Variants in APOL3 observed in about 807,000 individuals in gnomAD.
APOL3 encodes the protein TNF-inducible protein CG12-1.
In APOL3, 14 loss-of-function variants were observed where a neutral mutation model predicts 11.6. The observed-to-expected ratio is 1.21, with a 90% confidence interval of 0.80 to 1.89. The LOEUF is 1.89. Among genes scored for constraint, APOL3 ranks in the 40% most tolerant of loss-of-function variants. APOL3 has a pLI of 0.00. For synonymous variants in APOL3, 192 were observed against 190.6 expected, an observed-to-expected ratio of 1.01 and a Z score of -0.06; for missense variants, 483 against 492.1, an observed-to-expected ratio of 0.98 and a Z score of 0.17.
At chr22:36,145,013 AAAAAAAAAAAAAG>A (rs1274652406) in intron 2 of APOL3, among the ~76,000 whole-genome samples, 15 of 129,286 alleles carry the variant, frequency 1.2e-4, no homozygotes, top group African/African-American at 4.7e-4. Flanking sequence ...CTGTCTCAAA[AAAAAAAAAAAAAG>A]AAAAAAAAAG....
chr22:36,145,300 C>G (rs2060151563), intron 2 of APOL3, among the ~76,000 whole-genome samples, 173 bp downstream of exon 3: 2 of 152,222 alleles, frequency 1.3e-5, no homozygotes, highest in African/African-American at 2.4e-5. Context: ...AGGTCACTCA[C>G]TGCCAGCGAA....
At position 36,158,811 on chromosome 22, in the gene APOL3, C is replaced by T. The variant is rs5750231; in HGVS notation, c.223+1858G>A. Among the ~76,000 whole-genome samples the T allele has an allele frequency of 1.7e-4, 26 of 151,746 alleles. No individual in the cohort carries two copies. The East Asian group carries it at 4.1e-3, about 24-fold the overall frequency. On this transcript the variant is annotated intron_variant, in intron 1 of 2. Transcript: ENST00000349314. ...CAGCCTGGGCGACAGAGCAAGACTC[C>T]GTCAGAAAAAAAAGACTAATGAATG...
At chr22:36,145,009 C>CAAAAAAAA (rs1312228074) in intron 2 of APOL3, among the ~76,000 whole-genome samples, 14 of 37,948 alleles carry the variant, frequency 3.7e-4, no homozygotes, top group Non-Finnish European at 7.8e-4. Context: ...GACTCTGTCT[C>CAAAAAAAA]AAAAAAAAAA....
intron 1 of APOL3, among the ~76,000 whole-genome samples, chr22:36,150,745 C>T (rs892338533): frequency 3.3e-5 from 5 of 152,124 alleles, no homozygotes; most frequent in East Asian, 1.9e-4. Flanking sequence ...ATTAGCTGGG[C>T]GTGGTGGCGT....
exon 3 of APOL3, chr22:36,141,100 T>C: frequency 6.6e-7 from 1 of 1,514,816 alleles, no homozygotes; most frequent in Non-Finnish European, 8.8e-7. Context: ...CTCAGCTCCA[T>C]AAACTTTACC....
At chr22:36,145,677 G>T (rs1807672) in intron 1 of APOL3, 78 bp from the exon 3 acceptor site, 840,124 of 1,557,654 alleles carry the variant, frequency 0.54, 232,781 homozygotes, top group African/African-American at 0.64. Context: ...GGTGGTTCGA[G>T]GTTAATCCTC....
chr22:36,143,126 TCC>T (rs2060062758), intron 2 of APOL3, among the ~76,000 whole-genome samples: 1 of 103,076 alleles, frequency 9.7e-6, no homozygotes, highest in Non-Finnish European at 2.5e-5. Flanking sequence ...TCAGTCTCCC[TCC>T]CCTGTAACAC....
At chr22:36,147,692 T>C (rs2060271168) in intron 1 of APOL3, among the ~76,000 whole-genome samples, 1 of 152,174 alleles carries the variant, frequency 6.6e-6, no homozygotes, top group Non-Finnish European at 1.5e-5. Flanking sequence ...TGCTTTTATT[T>C]TTTCCTCCTT....
In APOL3 at chr22:36,145,594, TC is replaced by T; in HGVS notation, c.228del (p.Lys77AsnfsTer24). On this transcript the variant is annotated frameshift_variant, in exon 2 of 3. Transcript: ENST00000349314. LOFTEE classifies it high-confidence loss of function. The stretch of plus-strand genomic sequence containing the variant: ...TTGGTGGCCTCTTCAGTAAAGCGTT[TC>T]TTTTCTACTTGGAAACAAAAAGCAT... The T allele has an allele frequency of 1.9e-6, 3 of 1,613,614 alleles. No homozygotes were observed. Among genetic ancestry groups the T allele is most frequent in the Non-Finnish European group, 2.5e-6 (3 of 1,179,880 alleles).
chr22:36,145,374 G>T, intron 2 of APOL3, 99 bp downstream of exon 3: 8 of 1,443,478 alleles, frequency 5.5e-6, no homozygotes, highest in Non-Finnish European at 6.6e-6. Context: ...AGCAGAGGGG[G>T]CTGCCTGGAG....
intron 1 of APOL3, among the ~76,000 whole-genome samples, chr22:36,156,534 C>T (rs1272339037): frequency 6.6e-6 from 1 of 152,164 alleles, no homozygotes; most frequent in African/African-American, 2.4e-5. Flanking sequence ...GCCCTGCTTC[C>T]CTGCCTCCCA....
chr22:36,142,528 C>T (rs1057134762), intron 2 of APOL3, among the ~76,000 whole-genome samples: 4 of 152,192 alleles, frequency 2.6e-5, no homozygotes, highest in Non-Finnish European at 5.9e-5. Context: ...CTCTGGGGCC[C>T]TGGAATGTCC....
chr22:36,140,955 T>C, exon 3 of APOL3: 1 of 515,666 alleles, frequency 1.9e-6, no homozygotes, highest in Non-Finnish European at 3.4e-6. Context: ...CTTCTTCCTA[T>C]TCCCCACACT....
At position 36,159,049 on chromosome 22, in the gene APOL3, T is replaced by C. The variant is rs368003411; in HGVS notation, c.223+1620A>G. On this transcript the variant is annotated intron_variant, in intron 1 of 2. Transcript: ENST00000349314. ...TTTGCCTTTTATTTGGTTGCCAGCA[T>C]GTCAAATGTAATTGCACCTGAGTTT... Among the ~76,000 whole-genome samples, 68 of 152,238 alleles carry C rather than the reference T, an allele frequency of 4.5e-4. No homozygotes were observed. In the South Asian group the frequency reaches 6.4e-3, roughly 14 times the overall value.
upstream of APOL3, among the ~76,000 whole-genome samples, chr22:36,161,769 TC>T (rs1227865643): frequency 7.1e-6 from 1 of 141,118 alleles, no homozygotes; most frequent in Non-Finnish European, 1.6e-5. Context: ...GAAGAAGGGG[TC>T]AGGGGGTTCC....
chr22:36,160,397 G>A (rs182131457), intron 1 of APOL3, among the ~76,000 whole-genome samples: 1 of 152,154 alleles, frequency 6.6e-6, no homozygotes, highest in Non-Finnish European at 1.5e-5. Flanking sequence ...CATGTCTCAC[G>A]CAGGCTGGAA....
At chr22:36,143,659 G>T (rs577835840) in intron 2 of APOL3, among the ~76,000 whole-genome samples, 6 of 152,266 alleles carry the variant, frequency 3.9e-5, no homozygotes, top group Admixed American at 2.6e-4. Flanking sequence ...AAAGTGAAAG[G>T]CCTGGCTATT....
intron 1 of APOL3, among the ~76,000 whole-genome samples, chr22:36,155,040 C>A (rs1415146632): frequency 6.6e-6 from 1 of 152,226 alleles, no homozygotes; most frequent in Non-Finnish European, 1.5e-5. Context: ...GTGTCCCCCT[C>A]ACTGAGAAGA....
At chr22:36,156,634 C>T in intron 1 of APOL3, 1 of 221,136 alleles carries the variant, frequency 4.5e-6, no homozygotes, top group African/African-American at 2.2e-5. Context: ...CCACCTTCCC[C>T]ACCATGTGCA....
Sources: gnomAD v4.1 joint callset for allele counts (sites outside exome capture counted in the v4.1 genomes callset) on GRCh38, gnomAD v4.1.1 for gene constraint, MANE v1.5 for transcripts, NCBI Gene and HGNC (gene_info 2026-07-23, HGNC 2026-07-21) for gene names.